The following ARSB variants were observed in gnomAD, a reference collection of about 807,000 sequenced individuals.
The protein encoded by ARSB is arylsulfatase B.
Under a neutral mutation model 50.9 loss-of-function variants are expected in ARSB, and 41 were observed. The ratio of observed to expected loss-of-function variants is 0.81; its 90% CI spans 0.63 to 1.04. The LOEUF (loss-of-function observed/expected upper bound fraction) is 1.04. Ranked by LOEUF, ARSB falls within the 50% of genes least tolerant of loss-of-function variation. The pLI, the probability that ARSB is intolerant of heterozygous loss-of-function variation, is 0.00. For synonymous variants in ARSB, 269 were observed against 284.8 expected, an observed-to-expected ratio of 0.94 and a Z score of 0.56; for missense variants, 672 against 693.3, an observed-to-expected ratio of 0.97 and a Z score of 0.35.
intron 6 of ARSB, among the ~76,000 whole-genome samples, chr5:78,782,387 T>A (rs1309939784): frequency 6.6e-6 from 1 of 152,216 alleles, no homozygotes; most frequent in African/African-American, 2.4e-5. Context: ...AAATGTACAT[T>A]TTCATGCAGT....
At chr5:78,894,394 A>G (rs337880) in intron 4 of ARSB, among the ~76,000 whole-genome samples, 151,911 of 152,356 alleles carry the variant, frequency 1, 75,734 homozygotes, top group East Asian at 1. Flanking sequence ...TATCCTTGGA[A>G]CAGAAACAAC....
At chr5:78,849,558 T>C (rs546712533) in intron 5 of ARSB, among the ~76,000 whole-genome samples, 18,256 of 151,486 alleles carry the variant, frequency 0.12, 1,134 homozygotes, top group Middle Eastern at 0.21. Flanking sequence ...GGCTCTTTTT[T>C]GGTTCCATAT....
At chr5:78,898,544 A>G (rs1335759446) in intron 4 of ARSB, among the ~76,000 whole-genome samples, 3 of 152,216 alleles carry the variant, frequency 2.0e-5, no homozygotes, top group Non-Finnish European at 4.4e-5. Context: ...GCTTTATATA[A>G]AAAAACATAC....
chr5:78,974,984 T>C (rs908136861), intron 1 of ARSB, among the ~76,000 whole-genome samples: 2 of 152,222 alleles, frequency 1.3e-5, no homozygotes, highest in South Asian at 2.1e-4. Context: ...GAGGCACCCA[T>C]GGTCTCAAGG....
intron 4 of ARSB, among the ~76,000 whole-genome samples, chr5:78,943,954 T>G (rs1467945774): frequency 6.6e-6 from 1 of 152,222 alleles, no homozygotes; most frequent in Non-Finnish European, 1.5e-5. Flanking sequence ...TAGTCCCATA[T>G]TTCATGGAGG....
chr5:78,855,052 T>C (rs1746067594), intron 5 of ARSB, among the ~76,000 whole-genome samples: 1 of 152,124 alleles, frequency 6.6e-6, no homozygotes, highest in Admixed American at 6.5e-5. Context: ...AGCTCAGACT[T>C]CAGGAGGCTA....
intron 4 of ARSB, among the ~76,000 whole-genome samples, chr5:78,895,080 T>A (rs1264982687): frequency 2.0e-5 from 3 of 152,156 alleles, no homozygotes; most frequent in Non-Finnish European, 4.4e-5. Flanking sequence ...CAAATGCCCC[T>A]GAGTTACCAC....
At chr5:78,885,528 G>A (rs1747976759) in intron 5 of ARSB, 56 bp downstream of exon 5, 41 of 1,601,630 alleles carry the variant, frequency 2.6e-5, no homozygotes, top group South Asian at 3.3e-5. Flanking sequence ...GCTCAATGGA[G>A]TCAGGCTGCT....
chr5:78,947,106 C>G (rs80278742), intron 4 of ARSB, among the ~76,000 whole-genome samples: 14 of 152,148 alleles, frequency 9.2e-5, no homozygotes, highest in Non-Finnish European at 1.9e-4. Flanking sequence ...ACCCCTATCT[C>G]TCACCATATA....
intron 1 of ARSB, among the ~76,000 whole-genome samples, 199 bp downstream of exon 1, chr5:78,984,738 G>A (rs1345688037): frequency 1.3e-5 from 2 of 152,062 alleles, no homozygotes; most frequent in East Asian, 3.9e-4. Flanking sequence ...GGGCGCCAGA[G>A]CCGGGCATGC....
At chr5:78,809,260 A>T (rs989884981) in intron 6 of ARSB, among the ~76,000 whole-genome samples, 25 of 152,208 alleles carry the variant, frequency 1.6e-4, no homozygotes, top group African/African-American at 5.6e-4. Flanking sequence ...AGCGGCTGGG[A>T]AGGACTTGCC....
chr5:78,783,914 G>A (rs1395405378), intron 6 of ARSB, among the ~76,000 whole-genome samples: 1 of 151,916 alleles, frequency 6.6e-6, no homozygotes, highest in African/African-American at 2.4e-5. Context: ...ATTAAACAAA[G>A]GGAAAATTAC....
At chr5:78,912,201 C>T (rs1030982540) in intron 4 of ARSB, among the ~76,000 whole-genome samples, 1 of 152,186 alleles carries the variant, frequency 6.6e-6, no homozygotes, top group African/African-American at 2.4e-5. Flanking sequence ...TACACAAAAG[C>T]CATGGGAAAT....
intron 5 of ARSB, among the ~76,000 whole-genome samples, chr5:78,841,159 C>CTAATAATAATAATAATAATAATAA (rs1491359597): frequency 1.0e-3 from 95 of 94,184 alleles, no homozygotes; most frequent in Non-Finnish European, 1.4e-3. Context: ...ACTACTACTA[C>CTAATAATAATAATAATAATAATAA]TACTACTACT....
At chr5:78,816,870 G>T (rs544261968) in intron 6 of ARSB, among the ~76,000 whole-genome samples, 1 of 152,274 alleles carries the variant, frequency 6.6e-6, no homozygotes, top group Admixed American at 6.5e-5. Context: ...TTGGAAGAAG[G>T]TTCTTCTGCA....
At chr5:78,844,935 G>A (rs1329607240) in intron 5 of ARSB, among the ~76,000 whole-genome samples, 1 of 152,034 alleles carries the variant, frequency 6.6e-6, no homozygotes, top group Non-Finnish European at 1.5e-5. Flanking sequence ...ATAAATTGTT[G>A]TTAATGATAG....
intron 4 of ARSB, among the ~76,000 whole-genome samples, chr5:78,898,370 T>C (rs1345532122): frequency 6.6e-6 from 1 of 152,186 alleles, no homozygotes; most frequent in African/African-American, 2.4e-5. Flanking sequence ...ACTAGTTCTA[T>C]ACAAACTCTT....
intron 6 of ARSB, among the ~76,000 whole-genome samples, chr5:78,810,004 C>T (rs1478400216): frequency 1.3e-5 from 2 of 152,248 alleles, no homozygotes; most frequent in African/African-American, 2.4e-5. Context: ...GGGCACCCCA[C>T]TAGACCCCTT....
chr5:78,841,566 G>A (rs915051110), intron 5 of ARSB, among the ~76,000 whole-genome samples: 1 of 152,046 alleles, frequency 6.6e-6, no homozygotes. Context: ...AAAAATTTCA[G>A]GGCCAGTATA....
Sources: gnomAD v4.1 joint callset for allele counts (sites outside exome capture counted in the v4.1 genomes callset) on GRCh38, gnomAD v4.1.1 for gene constraint, MANE v1.5 for transcripts, NCBI Gene and HGNC (gene_info 2026-07-23, HGNC 2026-07-21) for gene names.